Variants in PRPF8 observed in about 807,000 individuals in gnomAD.
PRPF8 encodes the protein pre-mRNA processing factor 8, also known as pre-mRNA-processing-splicing factor 8.
In PRPF8, 64 loss-of-function variants were observed where a neutral mutation model predicts 285.9. The ratio of observed to expected loss-of-function variants is 0.22; its 90% confidence interval spans 0.18 to 0.28. The LOEUF is 0.28. Among genes scored for constraint, PRPF8 ranks in the 10% least tolerant of loss-of-function variants. The probability of loss-of-function intolerance (pLI) is 1.00; values close to 1 mark genes in which losing one functional copy is unlikely to be tolerated. For missense variants in PRPF8, 1,426 were observed against 3,026.7 expected (o/e 0.47, Z 12.41); for synonymous variants, 1,325 against 1,118.2 (o/e 1.18, Z -3.69).
rs777829012 is a variant in PRPF8, at chr17:1,660,419, G to C, written c.4785+13C>G. Reference sequence around the variant, plus strand: ...ACTCTCTACAGTACCCTCTCCCCTCGATTCCAGCCCACCTGACATAAGTCC... The same window carrying C: ...ACTCTCTACAGTACCCTCTCCCCTCCATTCCAGCCCACCTGACATAAGTCC... On this transcript the variant is annotated intron_variant, in intron 30 of 42. Transcript: ENST00000304992. 2 of 1,613,344 alleles carry C rather than the reference G, an allele frequency of 1.2e-6. No individual in the cohort carries two copies. The highest frequency in any genetic ancestry group is 3.3e-5 in the Admixed American group (2 of 59,962).
chr17:1,670,991 TTA>T (rs1912282877), intron 24 of PRPF8, among the ~76,000 whole-genome samples: 1 of 152,044 alleles, frequency 6.6e-6, no homozygotes, highest in Admixed American at 6.5e-5. Context: ...CTTAAGACCC[TTA>T]TATGATTCTT....
chr17:1,674,032 T>C (rs778519738), intron 21 of PRPF8, 140 bp from the exon 22 acceptor site: 17 of 995,678 alleles, frequency 1.7e-5, no homozygotes, highest in Non-Finnish European at 2.2e-5. Flanking sequence ...TATTTTTATT[T>C]ATTTATTTTT....
chr17:1,662,794 G>A lies in PRPF8; in HGVS notation c.3775-641C>T, dbSNP rs1470911643. On this transcript the variant is annotated intron_variant, in intron 24 of 42. Transcript: ENST00000304992. Reference sequence around the variant, plus strand: ...TGCAGTGAGCTGAGATCGCACCACTGCACTCCAGCCTGGGAGACAGAGCAA... The same window carrying A: ...TGCAGTGAGCTGAGATCGCACCACTACACTCCAGCCTGGGAGACAGAGCAA... Among the ~76,000 whole-genome samples the A allele has an allele frequency of 2.1e-5, 3 of 145,294 alleles. No individual in the cohort carries two copies. In the East Asian group the frequency reaches 6.0e-4, roughly 29 times the overall value.
chr17:1,674,090 C>T (rs7223681), intron 21 of PRPF8, among the ~76,000 whole-genome samples, 198 bp from the exon 22 acceptor site: 131,989 of 152,140 alleles, frequency 0.87, 57,639 homozygotes, highest in African/African-American at 0.96. Context: ...CGGCGCAATC[C>T]CGGCTCACTG....
chr17:1,652,506 T>G (rs1911137567), intron 39 of PRPF8, among the ~76,000 whole-genome samples: 1 of 152,192 alleles, frequency 6.6e-6, no homozygotes, highest in African/African-American at 2.4e-5. Flanking sequence ...AAAATGATGT[T>G]TTATAAACTA....
At chr17:1,677,829 A>G (rs1017955232) in intron 13 of PRPF8, 135 bp from the exon 14 acceptor site, 5 of 1,185,490 alleles carry the variant, frequency 4.2e-6, no homozygotes, top group Non-Finnish European at 4.8e-6. Context: ...AGGGGTAAAA[A>G]GAAAAAAAAA....
At chr17:1,684,439 C>T (rs771463649) in intron 2 of PRPF8, 33 bp downstream of exon 2, 1 of 1,610,664 alleles carries the variant, frequency 6.2e-7, no homozygotes, top group Non-Finnish European at 8.5e-7. Flanking sequence ...GCCCCGCCTC[C>T]GGCCCGCGCG....
rs765105762 is a variant in PRPF8 at position 1,651,323 on chromosome 17, C to G, written c.6651-13G>C. ...GCCTGGCGTGAAGCTGGGGGAGGAA[C>G]GAGGACAGAGTAACAGCTCAGGCCA... On this transcript the variant is annotated splice_polypyrimidine_tract_variant and intron_variant, in intron 41 of 42. Coordinates refer to ENST00000304992, the MANE Select transcript of PRPF8 (RefSeq NM_006445.4). This position sits in a 1 kb window ranked among gnomAD's most constrained non-coding sequence, Gnocchi z 5.1. The G allele has an allele frequency of 6.2e-7, 1 of 1,614,032 alleles. No individual in the cohort carries two copies. Among genetic ancestry groups the G allele is most frequent in the Non-Finnish European group, 8.5e-7 (1 of 1,180,000 alleles).
At chr17:1,657,666 A>G (rs1911463944) in intron 34 of PRPF8, among the ~76,000 whole-genome samples, 1 of 144,760 alleles carries the variant, frequency 6.9e-6, no homozygotes, top group Non-Finnish European at 1.5e-5. Flanking sequence ...AAAAAAAAAG[A>G]GAATATGCAT....
chr17:1,682,190 C>T lies in PRPF8; in HGVS notation c.373G>A (p.Ala125Thr). Reference sequence around the variant, plus strand: ...GGAATCTCATTGACGAAGGAAATGGCTCCAGTGATGTGGTACAGCACAGGC... The same window carrying T: ...GGAATCTCATTGACGAAGGAAATGGTTCCAGTGATGTGGTACAGCACAGGC... ...DVPVLYHITG[A>T]ISFVNEIPWV... The change falls in exon 4 of 43, where the codon GCC (alanine) becomes ACC (threonine). Residue 125 changes from alanine to threonine, a missense_variant. Ala to Thr is a moderately conservative substitution (Grantham distance 58). Coordinates refer to ENST00000304992, the MANE Select transcript of PRPF8 (RefSeq NM_006445.4). The T allele has an allele frequency of 6.2e-7, 1 of 1,614,120 alleles. No individual in the cohort carries two copies. The highest frequency in any genetic ancestry group is 1.3e-5 in the African/African-American group (1 of 75,006).
rs1387473002 is a variant in PRPF8 at position 1,650,755 on chromosome 17, G to GC, written c.*46dup. 2 of 1,610,268 alleles carry GC rather than the reference G, an allele frequency of 1.2e-6. No homozygotes were observed. Among genetic ancestry groups the GC allele is most frequent in the Non-Finnish European group, 1.7e-6 (2 of 1,177,940 alleles). ...GAATGTCAGCGGCCTGTCTGGAGGGGCTGAGGCTTCGGCCTCGGGAGGCTG... is the reference window on the plus strand; with the variant it reads ...GAATGTCAGCGGCCTGTCTGGAGGGGCCTGAGGCTTCGGCCTCGGGAGGCTG... On this transcript the variant is annotated 3_prime_UTR_variant, in exon 43 of 43. Coordinates refer to ENST00000304992, the MANE Select transcript of PRPF8 (RefSeq NM_006445.4).
rs780049984 is a variant in PRPF8, at chr17:1,679,259, GA to G, written c.1409+31del. On this transcript the variant is annotated intron_variant, in intron 10 of 42. Coordinates refer to ENST00000304992, the MANE Select transcript of PRPF8 (RefSeq NM_006445.4). This position sits in a 1 kb window ranked among gnomAD's most constrained non-coding sequence, Gnocchi z 4.7. ...TCAGCCTACTGATATCTCTGGAACAGAAGTCTGCGCAGGGCCCCTGGGGCAC... is the reference window on the plus strand; with the variant it reads ...TCAGCCTACTGATATCTCTGGAACAGAGTCTGCGCAGGGCCCCTGGGGCAC... The G allele has an allele frequency of 5.0e-6, 8 of 1,614,224 alleles. No individual in the cohort carries two copies. The highest frequency in any genetic ancestry group is 1.1e-5 in the South Asian group (1 of 91,082).
rs975938978 is a variant in PRPF8 at position 1,675,006 on chromosome 17, C to T, written c.3060+146G>A. 1.1e-6 allele frequency: 1 copy of T among 945,458 alleles called. No individual in the cohort carries two copies. The highest frequency in any genetic ancestry group is 1.7e-6 in the Non-Finnish European group (1 of 603,866). 58.6% of individuals were successfully genotyped at this position (945,458 alleles called of 1,614,324 possible). A position where few individuals can be genotyped will look rare whatever the true frequency, so the allele number is the denominator to read the frequency against. On this transcript the variant is annotated intron_variant, in intron 20 of 42. Transcript: ENST00000304992. This position sits in a 1 kb window ranked among gnomAD's most constrained non-coding sequence, Gnocchi z 6.0. ...GCCAGACTGGTCTCGAACTCCTGACCTCGTGATCTGCCCGCCTCAGCCTCC... is the reference window on the plus strand; with the variant it reads ...GCCAGACTGGTCTCGAACTCCTGACTTCGTGATCTGCCCGCCTCAGCCTCC...
In PRPF8 at chr17:1,653,418, T is replaced by C. The variant is rs920062275; in HGVS notation, c.6369+124A>G. On this transcript the variant is annotated intron_variant, in intron 39 of 42. Coordinates refer to ENST00000304992, the MANE Select transcript of PRPF8 (RefSeq NM_006445.4). This position sits in a 1 kb window ranked among gnomAD's most constrained non-coding sequence, Gnocchi z 4.9. ...CCCACCTCGTTGTTTTGGCTATCCT[T>C]GTATAATTACTCATCCATGAATCTT... is the stretch of plus-strand genomic sequence containing the variant. 7.3e-6 allele frequency: 10 copies of C among 1,374,758 alleles called. No individual in the cohort carries two copies. The East Asian group carries it at 1.6e-4, about 22-fold the overall frequency. The allele number at this position is 1,374,758 out of a possible 1,614,324, so 85.2% of individuals were successfully genotyped here.
rs1222037860 is a variant in PRPF8, at chr17:1,661,782, T to C, written c.4031A>G (p.Lys1344Arg). The C allele has an allele frequency of 3.1e-6, 5 of 1,614,108 alleles. No individual in the cohort carries two copies. Among genetic ancestry groups the C allele is most frequent in the East Asian group, 2.2e-5 (1 of 44,900 alleles). Residue 1344 changes from lysine to arginine, a missense_variant, in exon 26 of 43, where the codon AAA (lysine) becomes AGA (arginine). Lys to Arg is a conservative substitution (Grantham distance 26). Transcript: ENST00000304992. The surrounding 1 kb of genome is among the most constrained non-coding windows in gnomAD (Gnocchi z 7.3). The part of the protein sequence containing the change: ...LIPQSDLRWS[K>R]QTDVGITHFR... ...GTGTGTGATACCTACATCTGTCTGTTTGGACCACCTGTTTGGGTGTACAAC... is the reference window on the plus strand; with the variant it reads ...GTGTGTGATACCTACATCTGTCTGTCTGGACCACCTGTTTGGGTGTACAAC...
At chr17:1,678,960 G>A in intron 11 of PRPF8, 57 bp downstream of exon 11, 4 of 1,613,640 alleles carry the variant, frequency 2.5e-6, no homozygotes, top group Non-Finnish European at 3.4e-6. Context: ...AGTAACCAGA[G>A]GAAAACAACT....
rs886052616 is a variant in PRPF8 at position 1,681,939 on chromosome 17, A to G, written c.534T>C (p.Tyr178=). 4.3e-6 allele frequency: 7 copies of G among 1,613,948 alleles called. No individual in the cohort carries two copies. Among genetic ancestry groups the G allele is most frequent in the Non-Finnish European group, 5.9e-6 (7 of 1,179,980 alleles). ...GCTCAACATCTAGGATGTTGTCAGC[A>G]TAGTCCAAGGGCGGCTCCTCATCAT... ...PFDDEEPPLD[Y]ADNILDVEPL... The change falls in exon 5 of 43, where the codon TAT becomes TAC. Residue 178 remains tyrosine, a synonymous_variant. Coordinates refer to ENST00000304992, the MANE Select transcript of PRPF8 (RefSeq NM_006445.4).
At chr17:1,672,104 C>T (rs769940207) in intron 24 of PRPF8, among the ~76,000 whole-genome samples, 4 of 152,068 alleles carry the variant, frequency 2.6e-5, no homozygotes, top group East Asian at 1.9e-4. Context: ...GAAACTCAAC[C>T]GTAATGCAAT....
chr17:1,654,204 G>A, intron 37 of PRPF8, 188 bp from the exon 38 acceptor site: 1 of 822,120 alleles, frequency 1.2e-6, no homozygotes, highest in Admixed American at 1.9e-5. Flanking sequence ...TCAGATCCAA[G>A]CGGGACAGCA....
Sources: gnomAD v4.1 joint callset for allele counts (sites outside exome capture counted in the v4.1 genomes callset) on GRCh38, gnomAD v4.1.1 for gene constraint, Gnocchi (gnomAD v3.1) non-coding constraint, MANE v1.5 for transcripts, NCBI Gene and HGNC (gene_info 2026-07-23, HGNC 2026-07-21) for gene names.